NRG3: variants seen among roughly 807,000 people sequenced by gnomAD.
NRG3 encodes the protein pro-neuregulin-3, membrane-bound isoform.
In NRG3, 31 loss-of-function variants were observed where a neutral mutation model predicts 66.9. The observed-to-expected ratio is 0.46, with a 90% CI of 0.35 to 0.63. The LOEUF (loss-of-function observed/expected upper bound fraction) is 0.63. Ranked by LOEUF, NRG3 falls within the 20% of genes least tolerant of loss-of-function variation. The probability of loss-of-function intolerance (pLI) is 0.00; values close to 1 mark genes in which losing one functional copy is unlikely to be tolerated. For missense variants in NRG3, 910 were observed against 878.9 expected (o/e 1.04, Z -0.45); for synonymous variants, 393 against 359.4 (o/e 1.09, Z -1.06).
intron 1 of NRG3, among the ~76,000 whole-genome samples, chr10:82,216,989 T>A (rs927717426): frequency 6.6e-6 from 1 of 152,234 alleles, no homozygotes; most frequent in African/African-American, 2.4e-5. Flanking sequence ...TGAGCAAATC[T>A]AGACAAAACA....
At chr10:82,791,224 G>A (rs886432120) in intron 3 of NRG3, among the ~76,000 whole-genome samples, 9 of 151,064 alleles carry the variant, frequency 6.0e-5, no homozygotes, top group Non-Finnish European at 1.2e-4. Flanking sequence ...TTTAAGTAAC[G>A]TAATGTGACA....
At chr10:82,137,353 G>A (rs1422765951) in intron 1 of NRG3, among the ~76,000 whole-genome samples, 2 of 152,156 alleles carry the variant, frequency 1.3e-5, no homozygotes, top group African/African-American at 4.8e-5. Context: ...CGAAGTGCCA[G>A]AATATTAACT....
intron 2 of NRG3, among the ~76,000 whole-genome samples, chr10:82,449,848 A>G (rs1257487827): frequency 6.6e-6 from 1 of 152,190 alleles, no homozygotes; most frequent in Non-Finnish European, 1.5e-5. Context: ...GATCAAAACA[A>G]TAACTCATTC....
intron 3 of NRG3, among the ~76,000 whole-genome samples, chr10:82,742,928 C>G (rs1018418452): frequency 6.6e-6 from 1 of 152,094 alleles, no homozygotes; most frequent in African/African-American, 2.4e-5. Flanking sequence ...TGAGCACATG[C>G]CAGGCTGAGT....
chr10:82,196,916 T>C (rs2074480516), intron 1 of NRG3, among the ~76,000 whole-genome samples: 1 of 152,226 alleles, frequency 6.6e-6, no homozygotes. Flanking sequence ...GATTTATTCC[T>C]GGGAAACTTA....
intron 5 of NRG3, among the ~76,000 whole-genome samples, chr10:82,952,052 C>T (rs776803076): frequency 2.6e-5 from 4 of 152,130 alleles, no homozygotes; most frequent in Non-Finnish European, 4.4e-5. Flanking sequence ...TTCAGTTTAC[C>T]AGTTGGTATG....
At chr10:82,295,729 T>G (rs1219767789) in intron 1 of NRG3, among the ~76,000 whole-genome samples, 1 of 152,220 alleles carries the variant, frequency 6.6e-6, no homozygotes, top group Admixed American at 6.5e-5. Context: ...GCTTTAATGC[T>G]AAGTATTCTA....
intron 2 of NRG3, among the ~76,000 whole-genome samples, chr10:82,457,698 A>G (rs139785508): frequency 0.012 from 1,808 of 152,280 alleles, 19 homozygotes; most frequent in Middle Eastern, 0.078. Flanking sequence ...TGAGTTCCAT[A>G]TCATAATTCA....
intron 1 of NRG3, among the ~76,000 whole-genome samples, chr10:82,086,510 C>T (rs2065732768): frequency 6.6e-6 from 1 of 152,014 alleles, no homozygotes; most frequent in Non-Finnish European, 1.5e-5. Flanking sequence ...TTCAGTCCAA[C>T]CTGGTTTTCA....
intron 3 of NRG3, among the ~76,000 whole-genome samples, chr10:82,857,579 T>C (rs1391135245): frequency 6.6e-6 from 1 of 152,164 alleles, no homozygotes; most frequent in African/African-American, 2.4e-5. Context: ...TTTAGTCACA[T>C]AAAACAGGAT....
chr10:82,461,314 C>T (rs1447544689), intron 2 of NRG3, among the ~76,000 whole-genome samples: 1 of 152,014 alleles, frequency 6.6e-6, no homozygotes, highest in Non-Finnish European at 1.5e-5. Flanking sequence ...CTATCATCAA[C>T]ACCATCACCA....
rs200934553 is a variant in NRG3, at chr10:82,483,145, A to G, written c.953+124277A>G. 9.9e-5 allele frequency among the ~76,000 whole-genome samples: 15 copies of G among 152,284 alleles called. No individual in the cohort carries two copies. The East Asian group carries it at 2.3e-3, about 24-fold the overall frequency. On this transcript the variant is annotated intron_variant, in intron 2 of 8. Coordinates refer to ENST00000372141, the MANE Select transcript of NRG3 (RefSeq NM_001010848.4). The stretch of plus-strand genomic sequence containing the variant: ...GTGGGGGATTTCTAGGAATATATGC[A>G]CTCCCTACTTGTCCATGCAGAACCT...
chr10:81,960,127 A>G (rs748209557), intron 1 of NRG3, among the ~76,000 whole-genome samples: 3 of 152,020 alleles, frequency 2.0e-5, no homozygotes, highest in Non-Finnish European at 4.4e-5. Flanking sequence ...CACATGTTCT[A>G]TTCACAATCC....
At chr10:82,446,901 A>G (rs2136515103) in intron 2 of NRG3, among the ~76,000 whole-genome samples, 1 of 152,348 alleles carries the variant, frequency 6.6e-6, no homozygotes, top group African/African-American at 2.4e-5. Flanking sequence ...TTTCTTTAAG[A>G]AGGCAGATTT....
At chr10:82,274,777 A>G (rs1589553354) in intron 1 of NRG3, among the ~76,000 whole-genome samples, 1 of 152,122 alleles carries the variant, frequency 6.6e-6, no homozygotes, top group East Asian at 1.9e-4. Flanking sequence ...GTTTTTGCAT[A>G]CTATAGTGGT....
At chr10:82,256,801 A>G (rs2077751773) in intron 1 of NRG3, among the ~76,000 whole-genome samples, 1 of 152,202 alleles carries the variant, frequency 6.6e-6, no homozygotes, top group African/African-American at 2.4e-5. Context: ...ATGGAAGAGG[A>G]AGGACCAGAA....
intron 1 of NRG3, among the ~76,000 whole-genome samples, chr10:82,017,367 G>T (rs11819408): frequency 0.2 from 30,241 of 152,010 alleles, 3,083 homozygotes; most frequent in Middle Eastern, 0.22. Flanking sequence ...GTTCCAAGTC[G>T]TTGCTATTTT....
intron 1 of NRG3, among the ~76,000 whole-genome samples, chr10:81,942,733 C>G (rs1439768826): frequency 6.6e-6 from 1 of 152,126 alleles, no homozygotes; most frequent in Non-Finnish European, 1.5e-5. Context: ...GAGGACCTCA[C>G]ATATACCAGG....
At chr10:82,780,079 C>G (rs1591499958) in intron 3 of NRG3, among the ~76,000 whole-genome samples, 2 of 152,282 alleles carry the variant, frequency 1.3e-5, no homozygotes, top group South Asian at 2.1e-4. Flanking sequence ...GCATAGTATT[C>G]CATGGCGTAT....
Sources: allele counts gnomAD v4.1 joint callset (sites outside exome capture counted in the v4.1 genomes callset), GRCh38; gene constraint gnomAD v4.1.1; transcripts MANE v1.5; gene names NCBI Gene and HGNC (gene_info 2026-07-23, HGNC 2026-07-21).